The following COL11A1 variants were observed in gnomAD, a reference collection of about 807,000 sequenced individuals.
COL11A1 encodes collagen type XI alpha 1 chain.
In COL11A1, 74 loss-of-function variants were observed where a neutral mutation model predicts 265.2. That is an observed-to-expected ratio of 0.28 (90% CI 0.23 to 0.34). COL11A1 has a LOEUF of 0.34. Among genes scored for constraint, COL11A1 ranks in the 10% least tolerant of loss-of-function variants. The probability of loss-of-function intolerance (pLI) is 1.00; values close to 1 mark genes in which losing one functional copy is unlikely to be tolerated. For synonymous variants in COL11A1, 816 were observed against 727.6 expected (o/e 1.12, Z -1.96); for missense variants, 2,165 against 2,263.6 (o/e 0.96, Z 0.88).
chr1:103,051,916 T>C (rs12121762), intron 4 of COL11A1, among the ~76,000 whole-genome samples: 15,679 of 152,250 alleles, frequency 0.1, 1,044 homozygotes, highest in Non-Finnish European at 0.14. Flanking sequence ...AAACACATAG[T>C]TCATAAGTAA....
At chr1:102,988,699 C>T (rs1447201186) in intron 29 of COL11A1, among the ~76,000 whole-genome samples, 2 of 152,034 alleles carry the variant, frequency 1.3e-5, no homozygotes, top group African/African-American at 4.8e-5. Flanking sequence ...TGAATCATAT[C>T]ATATATGACA....
At chr1:103,042,964 G>C (rs1040499752) in intron 4 of COL11A1, among the ~76,000 whole-genome samples, 231 of 133,228 alleles carry the variant, frequency 1.7e-3, no homozygotes, top group African/African-American at 5.4e-3. Flanking sequence ...ATATGAAATA[G>C]ATCATATATG....
intron 46 of COL11A1, among the ~76,000 whole-genome samples, chr1:102,928,921 T>A (rs79274140): frequency 2.6e-5 from 1 of 38,528 alleles, no homozygotes; most frequent in Admixed American, 5.0e-4. Context: ...TCATGTCCTT[T>A]GCCCACTTTT....
intron 44 of COL11A1, among the ~76,000 whole-genome samples, chr1:102,936,111 A>G (rs1307506457): frequency 6.6e-6 from 1 of 152,124 alleles, no homozygotes; most frequent in Non-Finnish European, 1.5e-5. Flanking sequence ...AATTGTATTG[A>G]TGAGGCTTTG....
At chr1:102,932,354 G>C (rs148008537) in intron 46 of COL11A1, among the ~76,000 whole-genome samples, 8 of 152,028 alleles carry the variant, frequency 5.3e-5, no homozygotes, top group South Asian at 2.1e-4. Flanking sequence ...ACTTATGAAG[G>C]TTAGTTTGGC....
At position 102,987,492 on chromosome 1, in the gene COL11A1, T is replaced by A. The variant is rs981311054; in HGVS notation, c.2502+141A>T. 4 of 745,930 alleles carry A rather than the reference T, an allele frequency of 5.4e-6. No individual in the cohort carries two copies. The East Asian group carries it at 1.1e-4, about 20-fold the overall frequency. The allele number at this position is 745,930 out of a possible 1,614,324, so 46.2% of individuals were successfully genotyped here. A position where few individuals can be genotyped will look rare whatever the true frequency, so the allele number is the denominator to read the frequency against. On this transcript the variant is annotated intron_variant, in intron 30 of 66. Coordinates refer to ENST00000370096, the MANE Select transcript of COL11A1 (RefSeq NM_001854.4). ...TACACTGAAACGTAAATGTAATGGT[T>A]GCAAATTTAAAATGATAATGAAACA...
chr1:103,049,807 T>G (rs1443813445), intron 4 of COL11A1, among the ~76,000 whole-genome samples: 1 of 152,190 alleles, frequency 6.6e-6, no homozygotes, highest in Non-Finnish European at 1.5e-5. Context: ...GGTGACAAAA[T>G]CTCTCAGCAT....
chr1:102,981,993 A>G (rs1190828996), intron 31 of COL11A1, among the ~76,000 whole-genome samples: 1 of 151,960 alleles, frequency 6.6e-6, no homozygotes, highest in Admixed American at 6.6e-5. Flanking sequence ...TTCAAAATTC[A>G]TCAGCTTACA....
chr1:102,921,668 T>C, intron 47 of COL11A1, 97 bp from the exon 48 acceptor site: 1 of 1,030,390 alleles, frequency 9.7e-7, no homozygotes, highest in Non-Finnish European at 1.5e-6. Flanking sequence ...AAGTTTAAGC[T>C]TGTAAAAACT....
At chr1:103,043,164 ATATATATGAAATATATATAATG>A (rs1002623965) in intron 4 of COL11A1, among the ~76,000 whole-genome samples, 2 of 146,694 alleles carry the variant, frequency 1.4e-5, no homozygotes, top group Non-Finnish European at 3.0e-5. Flanking sequence ...GAAATACATC[ATATATATGAAATATATATAATG>A]TATATATGAA....
intron 54 of COL11A1, 30 bp downstream of exon 54, chr1:102,912,129 T>C: frequency 3.8e-6 from 6 of 1,572,170 alleles, no homozygotes; most frequent in Non-Finnish European, 4.4e-6. Context: ...AATGAGCATA[T>C]GTTTCAAATA....
At chr1:102,963,771 T>C (rs1661143390) in intron 38 of COL11A1, among the ~76,000 whole-genome samples, 1 of 152,200 alleles carries the variant, frequency 6.6e-6, no homozygotes. Flanking sequence ...TGTAAACATT[T>C]ATCCAAAACA....
intron 28 of COL11A1, among the ~76,000 whole-genome samples, 153 bp from the exon 29 acceptor site, chr1:102,989,724 A>G (rs1663939085): frequency 6.6e-6 from 1 of 151,674 alleles, no homozygotes; most frequent in African/African-American, 2.4e-5. Context: ...CCCTTTTCCA[A>G]CTCCAGCCAC....
intron 37 of COL11A1, among the ~76,000 whole-genome samples, chr1:102,969,384 A>C (rs1661740374): frequency 6.6e-6 from 1 of 152,212 alleles, no homozygotes; most frequent in South Asian, 2.1e-4. Context: ...CACATAGTCA[A>C]AGGTAGTCTG....
At chr1:103,016,907 C>T (rs1331307701) in intron 11 of COL11A1, among the ~76,000 whole-genome samples, 1 of 151,836 alleles carries the variant, frequency 6.6e-6, no homozygotes, top group Admixed American at 6.6e-5. Context: ...TTATATGTCT[C>T]TATTTATAAG....
At chr1:102,997,728 A>G (rs979597751) in intron 25 of COL11A1, among the ~76,000 whole-genome samples, 1 of 151,980 alleles carries the variant, frequency 6.6e-6, no homozygotes, top group Non-Finnish European at 1.5e-5. Flanking sequence ...TAAATAACAA[A>G]TGTTTTAATA....
intron 6 of COL11A1, 75 bp from the exon 7 acceptor site, chr1:103,025,688 G>A: frequency 6.4e-7 from 1 of 1,562,426 alleles, no homozygotes; most frequent in South Asian, 1.1e-5. Context: ...GATTTAATTG[G>A]GTTATAGTAT....
chr1:102,972,211 T>A (rs1662037817), intron 36 of COL11A1, among the ~76,000 whole-genome samples: 1 of 152,196 alleles, frequency 6.6e-6, no homozygotes, highest in South Asian at 2.1e-4. Flanking sequence ...ATATCAATTA[T>A]GTCTGGCTTT....
At position 103,103,270 on chromosome 1, in the gene COL11A1, C is replaced by T. The variant is rs539980283; in HGVS notation, c.106+4803G>A. Among the ~76,000 whole-genome samples the T allele has an allele frequency of 2.6e-5, 4 of 151,896 alleles. No individual in the cohort carries two copies. The East Asian group carries it at 7.7e-4, about 29-fold the overall frequency. ...ATGTATACATAAAATATATGTCATC[C>T]AATCAATTGAAATTAACCTGAAAAT... On this transcript the variant is annotated intron_variant, in intron 1 of 66. Transcript: ENST00000370096.
Sources: gnomAD v4.1 joint callset for allele counts (sites outside exome capture counted in the v4.1 genomes callset) on GRCh38, gnomAD v4.1.1 for gene constraint, MANE v1.5 for transcripts, NCBI Gene and HGNC (gene_info 2026-07-23, HGNC 2026-07-21) for gene names.